SSPN: variants seen among roughly 807,000 people sequenced by gnomAD.
SSPN encodes K-ras oncogene-associated protein.
SSPN carries 15 observed loss-of-function variants against 19.1 expected under a neutral mutation model. That is an observed-to-expected ratio of 0.78 (90% confidence interval 0.52 to 1.21). SSPN has a LOEUF of 1.21. SSPN is among the 50% of genes most tolerant of loss of function. The pLI is 0.00. For synonymous variants in SSPN, 147 were observed against 140.3 expected, an observed-to-expected ratio of 1.05 and a Z score of -0.34; for missense variants, 291 against 314.0, an observed-to-expected ratio of 0.93 and a Z score of 0.55.
intron 1 of SSPN, among the ~76,000 whole-genome samples, chr12:26,133,415 A>G (rs942490419): frequency 1.6e-4 from 24 of 152,102 alleles, no homozygotes; most frequent in African/African-American, 5.8e-4. Flanking sequence ...CCAGGCCCCC[A>G]TAATCTCTCA....
In SSPN at chr12:26,130,845, C is replaced by T. The variant is rs77580496; in HGVS notation, c.-31+8693C>T. 2.0e-3 allele frequency among the ~76,000 whole-genome samples: 299 copies of T among 152,070 alleles called. 11 individuals carry two copies. The East Asian group carries it at 0.054, about 27-fold the overall frequency. ...GGTCAGAAGATGGCTGCAGGAACTC[C>T]TGCAGGGAAGGATGAAAGGGTGCCT... On this transcript the variant is annotated intron_variant, in intron 1 of 2. Transcript: ENST00000538142.
At chr12:26,224,216 G>A in intron 1 of SSPN, 77 bp from the exon 2 acceptor site, 1 of 971,096 alleles carries the variant, frequency 1.0e-6, no homozygotes, top group Non-Finnish European at 1.7e-6. Flanking sequence ...GTGACTGCAG[G>A]AAGATACTGA....
chr12:26,141,824 A>G (rs1296407289), intron 1 of SSPN, among the ~76,000 whole-genome samples: 1 of 152,172 alleles, frequency 6.6e-6, no homozygotes, highest in Non-Finnish European at 1.5e-5. Context: ...TGAAAACAGG[A>G]TGTCTTGCTC....
intron 1 of SSPN, among the ~76,000 whole-genome samples, chr12:26,128,851 A>T (rs992701768): frequency 2.0e-5 from 3 of 152,150 alleles, no homozygotes; most frequent in Non-Finnish European, 4.4e-5. Context: ...TAAGGAAATC[A>T]TTACCTATAG....
At chr12:26,128,580 A>C (rs933468652) in intron 1 of SSPN, among the ~76,000 whole-genome samples, 3 of 152,222 alleles carry the variant, frequency 2.0e-5, no homozygotes, top group Non-Finnish European at 2.9e-5. Flanking sequence ...GTGAGGTTAG[A>C]AAGGGAAAAA....
At position 26,124,861 on chromosome 12, in the gene SSPN, TGGG is replaced by T. The variant is rs1259114029; in HGVS notation, c.-31+2713_-31+2715del. On this transcript the variant is annotated intron_variant, in intron 1 of 2. Coordinates refer to the SSPN transcript ENST00000538142. The stretch of plus-strand genomic sequence containing the variant: ...GTGGGACGGTAGGCTTGGGAGACCT[TGGG>T]GGGATCTGTGCGTCTCCAGTCTCTC... 3 of 1,358,106 alleles carry T rather than the reference TGGG, an allele frequency of 2.2e-6. No individual in the cohort carries two copies. The East Asian group carries it at 6.9e-5, about 31-fold the overall frequency. The allele number at this position is 1,358,106 out of a possible 1,614,324, so 84.1% of individuals were successfully genotyped here. A position where few individuals can be genotyped will look rare whatever the true frequency, so the allele number is the denominator to read the frequency against.
chr12:26,130,903 T>A (rs563019400), intron 1 of SSPN, among the ~76,000 whole-genome samples: 2 of 151,846 alleles, frequency 1.3e-5, no homozygotes, highest in Non-Finnish European at 1.5e-5. Flanking sequence ...AGGAGCTTTT[T>A]TTTTTTTGCA....
intron 1 of SSPN, among the ~76,000 whole-genome samples, chr12:26,213,889 C>T (rs939796774): frequency 8.5e-5 from 13 of 152,100 alleles, no homozygotes; most frequent in African/African-American, 3.1e-4. Flanking sequence ...ACTTTAGCCC[C>T]ATCAAGGTAG....
intron 1 of SSPN, among the ~76,000 whole-genome samples, chr12:26,174,531 T>C (rs187039303): frequency 6.8e-6 from 1 of 147,614 alleles, no homozygotes; most frequent in East Asian, 1.9e-4. Flanking sequence ...CTTCCTTCCT[T>C]TCTTTTTTTG....
intron 1 of SSPN, among the ~76,000 whole-genome samples, chr12:26,208,898 T>C (rs1944955686): frequency 6.6e-6 from 1 of 152,122 alleles, no homozygotes; most frequent in African/African-American, 2.4e-5. Context: ...TTTCCTTAGT[T>C]CTATTGTTTT....
In SSPN at chr12:26,188,680, A is replaced by T. The variant is rs186219432; in HGVS notation, c.-30-35613A>T. Among the ~76,000 whole-genome samples the T allele has an allele frequency of 2.6e-3, 391 of 152,366 alleles. 1 individual carries two copies. The highest frequency in any genetic ancestry group is 4.3e-3 in the Non-Finnish European group (295 of 68,032). ...TCAGAAATATCTGAATCCAGATCAC[A>T]CCATGACTATTTAGGATTTATAAAT... On this transcript the variant is annotated intron_variant, in intron 1 of 2. Coordinates refer to the SSPN transcript ENST00000538142.
Position 26,230,827 on chromosome 12 carries a change from T to G in SSPN, c.483T>G (p.Ser161=). 1 of 1,614,230 alleles carries G rather than the reference T, an allele frequency of 6.2e-7. No individual in the cohort carries two copies. Among genetic ancestry groups the G allele is most frequent in the Non-Finnish European group, 8.5e-7 (1 of 1,180,046 alleles). Residue 161 remains serine, a synonymous_variant, in exon 3 of 3, where the codon TCT becomes TCG. Coordinates refer to ENST00000242729, the MANE Select transcript of SSPN (RefSeq NM_005086.5). ...TTACCTGTGAGACCACACTCGACTC[T>G]TGCCAGTGCAAACTGCCCTCCTCGG... The part of the protein sequence containing the change: ...TQFTCETTLD[S]CQCKLPSSEP...
In SSPN at chr12:26,195,849, G is replaced by A; in HGVS notation, c.177G>A (p.Leu59=). ...GGTTCCCGCTGCTGCTCGCCCTGCT[G>A]CAGCTGGCCCTGGGCATCGCCGTGA... is the stretch of plus-strand genomic sequence containing the variant. ...GCRFPLLLAL[L]QLALGIAVTV... Residue 59 remains leucine (L), a synonymous_variant, in exon 1 of 3, where the codon CTG becomes CTA. Transcript: ENST00000242729. 6.4e-7 allele frequency: 1 copy of A among 1,550,850 alleles called. No individual in the cohort carries two copies. Among genetic ancestry groups the A allele is most frequent in the South Asian group, 1.2e-5 (1 of 82,962 alleles).
intron 1 of SSPN, among the ~76,000 whole-genome samples, chr12:26,205,195 A>G (rs1016948497): frequency 1.3e-5 from 2 of 152,194 alleles, no homozygotes; most frequent in African/African-American, 2.4e-5. Context: ...TGGTACTGAG[A>G]GAGGTGGTGA....
upstream of SSPN, among the ~76,000 whole-genome samples, chr12:26,193,974 C>T (rs1470156321): frequency 1.3e-5 from 2 of 152,178 alleles, no homozygotes; most frequent in Non-Finnish European, 2.9e-5. Flanking sequence ...TGATTAGTTT[C>T]TAATTCTAAA....
At chr12:26,229,512 A>C (rs1004719092) in intron 2 of SSPN, among the ~76,000 whole-genome samples, 2 of 152,274 alleles carry the variant, frequency 1.3e-5, no homozygotes, top group Admixed American at 1.3e-4. Flanking sequence ...ACTTTTGTAC[A>C]CATATTTTGT....
At chr12:26,178,541 C>CA (rs996856206) in intron 1 of SSPN, among the ~76,000 whole-genome samples, 1 of 151,850 alleles carries the variant, frequency 6.6e-6, no homozygotes, top group African/African-American at 2.4e-5. Flanking sequence ...GGGTGGGGAA[C>CA]AAAAGCAAAT....
At position 26,205,463 on chromosome 12, in the gene SSPN, C is replaced by T. The variant is rs1392320312; in HGVS notation, c.279+9512C>T. On this transcript the variant is annotated intron_variant, in intron 1 of 2. Transcript: ENST00000242729. Reference sequence around the variant, plus strand: ...AAAAAACACTTCCTTGGCTGGCTTCCTTCTAAAGTATCAGGTGTGGCATGC... The same window carrying T: ...AAAAAACACTTCCTTGGCTGGCTTCTTTCTAAAGTATCAGGTGTGGCATGC... Among the ~76,000 whole-genome samples the T allele has an allele frequency of 2.0e-5, 3 of 152,182 alleles. No homozygotes were observed. The East Asian group carries it at 5.8e-4, about 29-fold the overall frequency.
At chr12:26,148,084 C>T (rs1433858884) in intron 1 of SSPN, among the ~76,000 whole-genome samples, 1 of 152,118 alleles carries the variant, frequency 6.6e-6, no homozygotes, top group East Asian at 1.9e-4. Context: ...TTATAAATTT[C>T]TGTCAAGGGA....
Sources: allele counts gnomAD v4.1 joint callset (sites outside exome capture counted in the v4.1 genomes callset), GRCh38; gene constraint gnomAD v4.1.1; transcripts MANE v1.5; gene names NCBI Gene and HGNC (gene_info 2026-07-23, HGNC 2026-07-21).